Variants in ADGRG1 observed in about 807,000 individuals in gnomAD.
The protein encoded by ADGRG1 is adhesion G protein-coupled receptor G1, also known as 7-transmembrane protein with no EGF-like N-terminal domains-1.
Under a neutral mutation model 73.5 loss-of-function variants are expected in ADGRG1, and 53 were observed. The ratio of observed to expected loss-of-function variants is 0.72; its 90% CI spans 0.58 to 0.91. The LOEUF (loss-of-function observed/expected upper bound fraction) is 0.91, where lower values mean the gene tolerates loss of function less well. ADGRG1 is among the 40% of genes least tolerant of loss of function. The pLI is 0.00. For missense variants in ADGRG1, 795 were observed against 871.8 expected (o/e 0.91, Z 1.11); for synonymous variants, 394 against 374.4 (o/e 1.05, Z -0.60).
At chr16:57,620,619 C>T (rs2034603218), upstream of ADGRG1, among the ~76,000 whole-genome samples, 1 of 152,178 alleles carries the variant, frequency 6.6e-6, no homozygotes, top group Non-Finnish European at 1.5e-5. Context: ...AGGCAGCCTC[C>T]CTTAGCGAGC....
intron 10 of ADGRG1, among the ~76,000 whole-genome samples, chr16:57,657,923 G>A (rs1164458259): frequency 3.3e-5 from 5 of 151,828 alleles, no homozygotes; most frequent in Non-Finnish European, 7.4e-5. Context: ...TATATTTTTA[G>A]TAGAGACGGG....
Position 57,645,241 on chromosome 16 carries a change from G to T in ADGRG1, c.-35-5012G>T. The T allele has an allele frequency of 7.1e-6, 7 of 985,458 alleles. 1 individual carries two copies. Among genetic ancestry groups the T allele is most frequent in the Non-Finnish European group, 6.0e-6 (5 of 829,932 alleles). 61.0% of individuals were successfully genotyped at this position (985,458 alleles called of 1,614,324 possible). A position where few individuals can be genotyped will look rare whatever the true frequency, so the allele number is the denominator to read the frequency against. On this transcript the variant is annotated intron_variant, in intron 1 of 13. Coordinates refer to ENST00000562631, the MANE Select transcript of ADGRG1 (RefSeq NM_201525.4). ...AGGGCAGTGGAAGTTGAGCTGGGGG[G>T]GTCTTCCCCTCTGCCTCTCCCAGCG... is the stretch of plus-strand genomic sequence containing the variant.
rs145668224 is a variant in ADGRG1 at position 57,651,222 on chromosome 16, G to A, written c.87G>A (p.Arg29=). The A allele has an allele frequency of 9.9e-6, 16 of 1,613,976 alleles. No homozygotes were observed. The highest frequency in any genetic ancestry group is 3.3e-5 in the Admixed American group (2 of 59,994). The stretch of plus-strand genomic sequence containing the variant: ...CAGGTGCCCACGGCAGGGGCCACAG[G>A]GAAGACTTTCGCTTCTGCAGCCAGC... The part of the protein sequence containing the change: ...LVQGAHGRGH[R]EDFRFCSQRN... Residue 29 remains arginine (R), a synonymous_variant, in exon 3 of 14, where the codon AGG becomes AGA. Transcript: ENST00000562631.
chr16:57,647,157 A>G, intron 1 of ADGRG1: 20 of 985,368 alleles, frequency 2.0e-5, no homozygotes, highest in Non-Finnish European at 2.3e-5. Flanking sequence ...TAAGTGGACA[A>G]GCGTGACAGT....
intron 1 of ADGRG1, 136 bp downstream of exon 1, chr16:57,628,938 G>A: frequency 1.4e-6 from 1 of 731,780 alleles, no homozygotes. Flanking sequence ...GTGTGAGTGT[G>A]AGCGTGAGAG....
chr16:57,645,379 C>T (rs1456757914), intron 1 of ADGRG1: 9 of 933,752 alleles, frequency 9.6e-6, no homozygotes, highest in Non-Finnish European at 1.0e-5. Context: ...ACCCCACCAC[C>T]CCCCAACCTG....
At chr16:57,654,421 C>CCCTT (rs2045034484) in intron 5 of ADGRG1, among the ~76,000 whole-genome samples, 4 of 114,068 alleles carry the variant, frequency 3.5e-5, no homozygotes, top group Non-Finnish European at 7.1e-5. Flanking sequence ...CCCCCCCCCC[C>CCCTT]GTTTTTTTTT....
chr16:57,663,323 C>A lies in ADGRG1; in HGVS notation c.1934-129C>A, dbSNP rs1476366185. ...GGTGCTCGCTGGGTCTCATGGGTGC[C>A]CGACAGCACGTGCTTGGCAAACACT... is the stretch of plus-strand genomic sequence containing the variant. On this transcript the variant is annotated intron_variant, in intron 13 of 13. Transcript: ENST00000562631. 26 of 1,533,822 alleles carry A rather than the reference C, an allele frequency of 1.7e-5. No homozygotes were observed. The East Asian group carries it at 1.7e-4, about 10-fold the overall frequency.
chr16:57,653,915 C>T, intron 4 of ADGRG1, 71 bp from the exon 5 acceptor site: 15 of 1,608,604 alleles, frequency 9.3e-6, no homozygotes, highest in Non-Finnish European at 1.2e-5. Context: ...AGTCTCTCGT[C>T]CTCCTGCCTC....
At chr16:57,653,010 C>A in intron 3 of ADGRG1, 193 bp from the exon 4 acceptor site, 1 of 1,449,202 alleles carries the variant, frequency 6.9e-7, no homozygotes, top group Non-Finnish European at 9.1e-7. Context: ...TTCTGTAAGA[C>A]ACAACCCCCA....
At chr16:57,644,863 TGC>T (rs1476986584) in intron 1 of ADGRG1, among the ~76,000 whole-genome samples, 3 of 137,586 alleles carry the variant, frequency 2.2e-5, no homozygotes, top group Non-Finnish European at 4.6e-5. Flanking sequence ...CACACACCCA[TGC>T]ACACACACAT....
chr16:57,640,470 A>T (rs1183645361), intron 1 of ADGRG1, among the ~76,000 whole-genome samples: 1 of 152,228 alleles, frequency 6.6e-6, no homozygotes, highest in Non-Finnish European at 1.5e-5. Context: ...AAATGCGTGA[A>T]CATGTGTAAA....
chr16:57,628,207 C>A (rs1597009255), upstream of ADGRG1: 6 of 983,322 alleles, frequency 6.1e-6, no homozygotes, highest in Non-Finnish European at 7.2e-6. Context: ...GGAGGCTGGA[C>A]TCTCCTTCAG....
At chr16:57,630,935 T>A in intron 1 of ADGRG1, 5 of 984,574 alleles carry the variant, frequency 5.1e-6, no homozygotes, top group Non-Finnish European at 6.0e-6. Flanking sequence ...TCATGGGACT[T>A]GATGAGCCAG....
intron 1 of ADGRG1, chr16:57,641,012 G>A: frequency 1.0e-6 from 1 of 985,488 alleles, no homozygotes; most frequent in East Asian, 1.1e-4. Context: ...CAGTCTAGAG[G>A]GGTCAGGGGA....
chr16:57,628,247 G>T (rs1467506411), upstream of ADGRG1: 1 of 905,718 alleles, frequency 1.1e-6, no homozygotes, highest in African/African-American at 1.8e-5. Flanking sequence ...TGACCTGGGG[G>T]GTGGGCGGAC....
At chr16:57,635,852 T>C in intron 1 of ADGRG1, 3 of 985,240 alleles carry the variant, frequency 3.0e-6, no homozygotes, top group Non-Finnish European at 3.6e-6. Flanking sequence ...TGTCCCTGTG[T>C]CCCTGCTATA....
chr16:57,659,465 GT>G lies in ADGRG1; in HGVS notation c.1340del (p.Val447AlafsTer16). ...IKVHMNLLLA[V>X]FLLDTSFLLS... ...GGTGCACATGAACCTGCTGCTGGCC[GT>G]CTTCCTGCTGGACACGAGCTTCCTG... On this transcript the variant is annotated frameshift_variant, in exon 11 of 14. Coordinates refer to ENST00000562631, the MANE Select transcript of ADGRG1 (RefSeq NM_201525.4). LOFTEE classifies it high-confidence loss of function. 1 of 1,613,668 alleles carries G rather than the reference GT, an allele frequency of 6.2e-7. No individual in the cohort carries two copies. Among genetic ancestry groups the G allele is most frequent in the Non-Finnish European group, 8.5e-7 (1 of 1,179,924 alleles).
In ADGRG1 at chr16:57,632,980, C is replaced by T. The variant is rs549988669; in HGVS notation, c.-36+4178C>T. 805 of 981,912 alleles carry T rather than the reference C, an allele frequency of 8.2e-4. 1 individual carries two copies. The highest frequency in any genetic ancestry group is 9.5e-4 in the Non-Finnish European group (782 of 826,806). The allele number at this position is 981,912 out of a possible 1,614,324, so 60.8% of individuals were successfully genotyped here. A position where few individuals can be genotyped will look rare whatever the true frequency, so the allele number is the denominator to read the frequency against. On this transcript the variant is annotated intron_variant, in intron 1 of 13. Transcript: ENST00000562631. ...AAGGAACAGTGAGATAGAGAGCCGC[C>T]TCTGCCACCTCCCAGGCCCTTTCCC...
Sources: gnomAD v4.1 joint callset for allele counts (sites outside exome capture counted in the v4.1 genomes callset) on GRCh38, gnomAD v4.1.1 for gene constraint, MANE v1.5 for transcripts, NCBI Gene and HGNC (gene_info 2026-07-23, HGNC 2026-07-21) for gene names.